SAMD4A: variants seen among roughly 807,000 people sequenced by gnomAD.
SAMD4A encodes sterile alpha motif domain containing 4A.
In SAMD4A, 33 loss-of-function variants were observed where a neutral mutation model predicts 81.3. That is an observed-to-expected ratio of 0.41 (90% CI 0.31 to 0.54). The LOEUF (loss-of-function observed/expected upper bound fraction) is 0.54, where lower values mean the gene tolerates loss of function less well. Ranked by LOEUF, SAMD4A falls within the 20% of genes least tolerant of loss-of-function variation. The pLI, the probability that SAMD4A is intolerant of heterozygous loss-of-function variation, is 0.37. For missense variants in SAMD4A, 854 were observed against 951.1 expected, an observed-to-expected ratio of 0.90 and a Z score of 1.34; for synonymous variants, 389 against 382.1, an observed-to-expected ratio of 1.02 and a Z score of -0.21.
chr14:54,624,852 TTTG>T (rs951041911), intron 2 of SAMD4A, among the ~76,000 whole-genome samples: 7 of 152,124 alleles, frequency 4.6e-5, no homozygotes, highest in African/African-American at 7.2e-5. Context: ...ATATACAGTT[TTTG>T]TTGTTGTTGT....
chr14:54,605,314 A>C (rs922360929), intron 2 of SAMD4A, among the ~76,000 whole-genome samples: 3 of 152,202 alleles, frequency 2.0e-5, no homozygotes, highest in African/African-American at 7.2e-5. Context: ...ACTATCTTTA[A>C]GTCATCAACA....
chr14:54,783,283 G>T (rs539303654), intron 11 of SAMD4A, among the ~76,000 whole-genome samples: 2 of 152,136 alleles, frequency 1.3e-5, no homozygotes, highest in African/African-American at 2.4e-5. Flanking sequence ...AGGGCTGGGC[G>T]CTGTGGGAGA....
chr14:54,706,624 AG>A (rs1195339507), intron 3 of SAMD4A, among the ~76,000 whole-genome samples: 1 of 151,598 alleles, frequency 6.6e-6, no homozygotes, highest in African/African-American at 2.4e-5. Context: ...AAAGAAAGAA[AG>A]AAAGAAAAAA....
At position 54,677,236 on chromosome 14, in the gene SAMD4A, T is replaced by G. The variant is rs552215053; in HGVS notation, c.197-24826T>G. Among the ~76,000 whole-genome samples, 3 of 152,372 alleles carry G rather than the reference T, an allele frequency of 2.0e-5. No homozygotes were observed. In the South Asian group the frequency reaches 6.2e-4, roughly 32 times the overall value. The stretch of plus-strand genomic sequence containing the variant: ...TGATCCTAGCAGTTTTACTACACTT[T>G]GTAATGTTTGGGCAACCAAATTGGT... On this transcript the variant is annotated intron_variant, in intron 2 of 12. Transcript: ENST00000554335.
chr14:54,700,872 C>A (rs2036696701), intron 2 of SAMD4A, among the ~76,000 whole-genome samples: 1 of 151,842 alleles, frequency 6.6e-6, no homozygotes, highest in African/African-American at 2.4e-5. Context: ...CACAAAAGGA[C>A]AAACACTGTA....
intron 2 of SAMD4A, among the ~76,000 whole-genome samples, chr14:54,591,469 A>T (rs2033772449): frequency 6.6e-6 from 1 of 152,076 alleles, no homozygotes; most frequent in Non-Finnish European, 1.5e-5. Context: ...AGCCTAAATG[A>T]TCTCTATAAG....
chr14:54,736,689 G>C (rs1594877374), intron 3 of SAMD4A, among the ~76,000 whole-genome samples: 1 of 152,224 alleles, frequency 6.6e-6, no homozygotes, highest in East Asian at 1.9e-4. Flanking sequence ...TGGCTGTCAA[G>C]CCTTGCCTGA....
chr14:54,771,387 G>C (rs979563177), intron 9 of SAMD4A, among the ~76,000 whole-genome samples: 1 of 152,192 alleles, frequency 6.6e-6, no homozygotes, highest in Non-Finnish European at 1.5e-5. Context: ...TTGGGGATTT[G>C]AACCAGGCAG....
intron 4 of SAMD4A, among the ~76,000 whole-genome samples, chr14:54,741,948 C>G (rs1040202182): frequency 8.5e-5 from 13 of 152,182 alleles, no homozygotes; most frequent in Non-Finnish European, 1.6e-4. Context: ...AAAGGACATT[C>G]TCTTTTATCC....
chr14:54,598,796 G>T (rs2033979038), intron 2 of SAMD4A, among the ~76,000 whole-genome samples: 1 of 151,922 alleles, frequency 6.6e-6, no homozygotes, highest in Admixed American at 6.6e-5. Flanking sequence ...TTACATTTCT[G>T]TTCCCTCTCC....
chr14:54,603,111 G>C (rs73269597), intron 2 of SAMD4A, among the ~76,000 whole-genome samples: 2 of 152,126 alleles, frequency 1.3e-5, no homozygotes, highest in Non-Finnish European at 2.9e-5. Context: ...GGAGCGAGGC[G>C]GACCATGTGA....
At chr14:54,625,059 A>T (rs1446747089) in intron 2 of SAMD4A, among the ~76,000 whole-genome samples, 1 of 152,128 alleles carries the variant, frequency 6.6e-6, no homozygotes, top group African/African-American at 2.4e-5. Flanking sequence ...ACTATGGCAA[A>T]GTTATCATTT....
chr14:54,566,363 G>A (rs1337265887), upstream of SAMD4A, among the ~76,000 whole-genome samples: 1 of 151,720 alleles, frequency 6.6e-6, no homozygotes. Context: ...GTCACTGGGG[G>A]TCCCCTCCCC....
At chr14:54,677,838 AT>A (rs562754471) in intron 2 of SAMD4A, among the ~76,000 whole-genome samples, 1 of 152,076 alleles carries the variant, frequency 6.6e-6, no homozygotes, top group South Asian at 2.1e-4. Context: ...TTAAAAGGGC[AT>A]TTTTTTCTAT....
At chr14:54,707,021 G>A (rs992774517) in intron 3 of SAMD4A, among the ~76,000 whole-genome samples, 7 of 151,924 alleles carry the variant, frequency 4.6e-5, no homozygotes, top group Admixed American at 2.0e-4. Context: ...ATAGGAGCAC[G>A]TATGGAGCAG....
At chr14:54,675,367 C>CAAAAA (rs59110762) in intron 2 of SAMD4A, among the ~76,000 whole-genome samples, 13 of 75,384 alleles carry the variant, frequency 1.7e-4, no homozygotes, top group Admixed American at 8.6e-4. Context: ...ACTCCGTCTC[C>CAAAAA]AAAAAAAAAA....
At chr14:54,568,725 AT>A (rs2033035495) in intron 2 of SAMD4A, among the ~76,000 whole-genome samples, 1 of 130,394 alleles carries the variant, frequency 7.7e-6, no homozygotes, top group African/African-American at 2.8e-5. Flanking sequence ...ATATATATAT[AT>A]ATATATATAT....
intron 10 of SAMD4A, among the ~76,000 whole-genome samples, chr14:54,776,015 T>TAAAAAAAAAA (rs10539223): frequency 1.8e-4 from 16 of 89,840 alleles, no homozygotes; most frequent in African/African-American, 7.3e-4. Flanking sequence ...GTAAGAATCT[T>TAAAAAAAAAA]AAAAAAAAAA....
chr14:54,729,404 A>G (rs1335933354), intron 3 of SAMD4A, among the ~76,000 whole-genome samples: 2 of 152,098 alleles, frequency 1.3e-5, no homozygotes, highest in Non-Finnish European at 2.9e-5. Context: ...GAGTTTCTCT[A>G]CTATCTCGCT....
Sources: allele counts gnomAD v4.1 joint callset (sites outside exome capture counted in the v4.1 genomes callset), GRCh38; gene constraint gnomAD v4.1.1; transcripts MANE v1.5; gene names NCBI Gene and HGNC (gene_info 2026-07-23, HGNC 2026-07-21).